Variants in ENOX1 observed in about 807,000 individuals in gnomAD.
The protein encoded by ENOX1 is ecto-NOX disulfide-thiol exchanger 1, also known as candidate growth-related and time keeping constitutive hydroquinone (NADH) oxidase.
ENOX1 carries 42 observed loss-of-function variants against 82.5 expected under a neutral mutation model. That is an observed-to-expected ratio of 0.51 (90% CI 0.40 to 0.66). ENOX1 has a LOEUF of 0.66. Among genes scored for constraint, ENOX1 ranks in the 30% least tolerant of loss-of-function variants. The pLI is 0.00. For synonymous variants in ENOX1, 271 were observed against 282.2 expected, an observed-to-expected ratio of 0.96 and a Z score of 0.40; for missense variants, 608 against 811.6, an observed-to-expected ratio of 0.75 and a Z score of 3.05.
Position 43,479,962 on chromosome 13 carries a change from C to T in ENOX1, c.-75+4047G>A, listed in dbSNP as rs1054648074. Among the ~76,000 whole-genome samples, 24 of 150,200 alleles carry T rather than the reference C, an allele frequency of 1.6e-4. 1 individual carries two copies. The South Asian group carries it at 3.4e-3, about 21-fold the overall frequency. ...TTATTTTTTTTTTTTTGAGACAGAG[C>T]TGTTCTCTTGCTGCCCAGGCTGGAG... On this transcript the variant is annotated intron_variant, in intron 3 of 16. Coordinates refer to ENST00000690772, the MANE Select transcript of ENOX1 (RefSeq NM_001347969.2).
At chr13:43,645,487 C>T (rs932295454) in intron 2 of ENOX1, among the ~76,000 whole-genome samples, 2 of 152,144 alleles carry the variant, frequency 1.3e-5, no homozygotes, top group African/African-American at 4.8e-5. Flanking sequence ...ATTCAATTGG[C>T]ATCATCCATT....
chr13:43,466,433 C>T (rs934903138), intron 3 of ENOX1, among the ~76,000 whole-genome samples: 1 of 152,106 alleles, frequency 6.6e-6, no homozygotes, highest in South Asian at 2.1e-4. Context: ...GATGTCCACT[C>T]TCACCACTTG....
chr13:43,726,120 C>T (rs9525828), intron 1 of ENOX1, among the ~76,000 whole-genome samples: 139,559 of 152,118 alleles, frequency 0.92, 64,299 homozygotes, highest in East Asian at 1. Flanking sequence ...TAAAGTGTGA[C>T]CATAAAATTA....
chr13:43,726,751 T>TGAGA (rs1351164856), intron 1 of ENOX1, among the ~76,000 whole-genome samples: 39 of 132,566 alleles, frequency 2.9e-4, no homozygotes, highest in Non-Finnish European at 5.7e-4. Flanking sequence ...TGTGTGTGTG[T>TGAGA]GTGAGAGAGA....
intron 8 of ENOX1, among the ~76,000 whole-genome samples, chr13:43,352,948 C>T (rs59552789): frequency 0.015 from 2,240 of 152,254 alleles, 66 homozygotes; most frequent in African/African-American, 0.051. Flanking sequence ...AAGTGGCAAA[C>T]GCAAGGTGAT....
rs983999188 is a variant in ENOX1, at chr13:43,721,162, G to A, written c.-284-53618C>T. ...GTGTTTCCACTGGTTTGGTAAGGACGGAGTTGTGTAATTTCAATGATTCCA... is the reference window on the plus strand; with the variant it reads ...GTGTTTCCACTGGTTTGGTAAGGACAGAGTTGTGTAATTTCAATGATTCCA... On this transcript the variant is annotated intron_variant, in intron 1 of 16. Transcript: ENST00000690772. 4.6e-5 allele frequency among the ~76,000 whole-genome samples: 7 copies of A among 152,014 alleles called. No individual in the cohort carries two copies. The South Asian group carries it at 8.3e-4, about 18-fold the overall frequency.
chr13:43,317,571 T>G (rs563559596), intron 11 of ENOX1, among the ~76,000 whole-genome samples: 1 of 152,022 alleles, frequency 6.6e-6, no homozygotes, highest in South Asian at 2.1e-4. Flanking sequence ...TTTTTTAACA[T>G]AAATCTTCCA....
At chr13:43,287,819 G>A (rs1032321057) in intron 12 of ENOX1, among the ~76,000 whole-genome samples, 1 of 152,234 alleles carries the variant, frequency 6.6e-6, no homozygotes, top group African/African-American at 2.4e-5. Context: ...TGTCATGTGT[G>A]ATCCTTTCAA....
chr13:43,331,262 C>G (rs1471791001), intron 9 of ENOX1, among the ~76,000 whole-genome samples: 1 of 152,236 alleles, frequency 6.6e-6, no homozygotes, highest in Non-Finnish European at 1.5e-5. Flanking sequence ...GTCTTGCCGA[C>G]TGCCTTCTTT....
chr13:43,780,451 A>G (rs1049428938), intron 1 of ENOX1, among the ~76,000 whole-genome samples: 1 of 152,226 alleles, frequency 6.6e-6, no homozygotes, highest in Non-Finnish European at 1.5e-5. Context: ...TTAACCTTTT[A>G]TCAGCTTTTA....
chr13:43,724,697 G>C (rs2088815410), intron 1 of ENOX1, among the ~76,000 whole-genome samples: 3 of 152,274 alleles, frequency 2.0e-5, no homozygotes, highest in African/African-American at 7.2e-5. Context: ...AAAGGAAAAT[G>C]AACTTAAAGA....
At chr13:43,250,988 A>G (rs1566338782) in intron 14 of ENOX1, among the ~76,000 whole-genome samples, 1 of 152,208 alleles carries the variant, frequency 6.6e-6, no homozygotes, top group African/African-American at 2.4e-5. Flanking sequence ...GGAGCTTACT[A>G]GAAATGCAAA....
chr13:43,233,947 A>G (rs2042401765), intron 15 of ENOX1, among the ~76,000 whole-genome samples: 1 of 152,204 alleles, frequency 6.6e-6, no homozygotes, highest in African/African-American at 2.4e-5. Context: ...ATGTACCAGA[A>G]GGCCAGAGGG....
chr13:43,643,907 G>C (rs918087722), intron 2 of ENOX1, among the ~76,000 whole-genome samples: 2 of 152,032 alleles, frequency 1.3e-5, no homozygotes, highest in African/African-American at 4.8e-5. Context: ...ATTTTAAGGA[G>C]TACATAATTT....
chr13:43,528,915 G>A (rs1202038497), intron 2 of ENOX1, among the ~76,000 whole-genome samples: 1 of 151,996 alleles, frequency 6.6e-6, no homozygotes, highest in African/African-American at 2.4e-5. Context: ...CTTCGATTTA[G>A]AGAAATTATC....
intron 15 of ENOX1, 50 bp downstream of exon 15, chr13:43,236,584 ATT>A: frequency 9.1e-7 from 1 of 1,099,744 alleles, no homozygotes. Flanking sequence ...TATTAAGTTA[ATT>A]ACCTAATAAT....
intron 5 of ENOX1, among the ~76,000 whole-genome samples, chr13:43,372,105 T>C (rs2051280584): frequency 6.6e-6 from 1 of 152,138 alleles, no homozygotes; most frequent in Non-Finnish European, 1.5e-5. Flanking sequence ...CAAGACAAAG[T>C]AGTATTTGGT....
chr13:43,561,319 G>C (rs2079656808), intron 2 of ENOX1, among the ~76,000 whole-genome samples: 1 of 152,114 alleles, frequency 6.6e-6, no homozygotes, highest in African/African-American at 2.4e-5. Context: ...TGCAGATAGA[G>C]AGGCAGAGTA....
chr13:43,765,102 T>C lies in ENOX1; in HGVS notation c.-285+21550A>G, dbSNP rs535245193. Among the ~76,000 whole-genome samples, 27 of 152,340 alleles carry C rather than the reference T, an allele frequency of 1.8e-4. No individual in the cohort carries two copies. The South Asian group carries it at 5.6e-3, about 32-fold the overall frequency. On this transcript the variant is annotated intron_variant, in intron 1 of 16. Coordinates refer to ENST00000690772, the MANE Select transcript of ENOX1 (RefSeq NM_001347969.2). ...ATGGACCAAATGCAAGCTACACCTC[T>C]AGCTTAAATGGATAACCTTGTCAAG...
Sources: gnomAD v4.1 joint callset for allele counts (sites outside exome capture counted in the v4.1 genomes callset) on GRCh38, gnomAD v4.1.1 for gene constraint, MANE v1.5 for transcripts, NCBI Gene and HGNC (gene_info 2026-07-23, HGNC 2026-07-21) for gene names.